The following LCLAT1 variants were observed in gnomAD, a reference collection of about 807,000 sequenced individuals.
The protein encoded by LCLAT1 is 1-AGP acyltransferase 8.
Under a neutral mutation model 30.7 loss-of-function variants are expected in LCLAT1, and 11 were observed. The ratio of observed to expected loss-of-function variants is 0.36; its 90% CI spans 0.23 to 0.59. LCLAT1 has a LOEUF of 0.59. LCLAT1 is among the 20% of genes least tolerant of loss of function. LCLAT1 has a pLI of 0.77. For synonymous variants in LCLAT1, 155 were observed against 151.3 expected (o/e 1.02, Z -0.18); for missense variants, 402 against 458.6 (o/e 0.88, Z 1.13).
At chr2:30,576,380 G>A (rs1186533346) in intron 5 of LCLAT1, among the ~76,000 whole-genome samples, 2 of 152,098 alleles carry the variant, frequency 1.3e-5, no homozygotes, top group Non-Finnish European at 2.9e-5. Context: ...AACTTCTGAA[G>A]GTGTGAGTAG....
rs139202707 is a variant in LCLAT1, at chr2:30,493,703, C to T, written c.-4-31884C>T. Among the ~76,000 whole-genome samples, 7 of 152,306 alleles carry T rather than the reference C, an allele frequency of 4.6e-5. No homozygotes were observed. The East Asian group carries it at 1.3e-3, about 29-fold the overall frequency. ...TTCTCTCCCTAACCCCTAGCAACCA[C>T]TGATCTTTTTTCTATTTCTTTATGG... On this transcript the variant is annotated intron_variant, in intron 1 of 5. Transcript: ENST00000379509.
chr2:30,584,306 C>T (rs976395346), intron 5 of LCLAT1, among the ~76,000 whole-genome samples: 1 of 152,176 alleles, frequency 6.6e-6, no homozygotes, highest in African/African-American at 2.4e-5. Flanking sequence ...GTTCTTGCTT[C>T]CTTTTTTTAC....
chr2:30,591,552 A>G (rs1256973795), intron 5 of LCLAT1, among the ~76,000 whole-genome samples: 1 of 152,108 alleles, frequency 6.6e-6, no homozygotes, highest in African/African-American at 2.4e-5. Context: ...ATTGTCTCCA[A>G]CTCTTAGAAA....
intron 1 of LCLAT1, among the ~76,000 whole-genome samples, chr2:30,512,976 T>A (rs991185940): frequency 6.6e-6 from 1 of 152,196 alleles, no homozygotes; most frequent in Admixed American, 6.5e-5. Context: ...AAATGCACAT[T>A]TCTGTCTTGA....
At chr2:30,472,050 T>C (rs1682823825) in intron 1 of LCLAT1, among the ~76,000 whole-genome samples, 2 of 152,322 alleles carry the variant, frequency 1.3e-5, no homozygotes, top group African/African-American at 4.8e-5. Flanking sequence ...CTTTTAAATC[T>C]TTAACATTCT....
At chr2:30,486,563 C>T (rs149213727) in intron 1 of LCLAT1, among the ~76,000 whole-genome samples, 1 of 152,242 alleles carries the variant, frequency 6.6e-6, no homozygotes, top group African/African-American at 2.4e-5. Flanking sequence ...ACATGGTTCC[C>T]TCCTTCCCAG....
intron 1 of LCLAT1, among the ~76,000 whole-genome samples, chr2:30,475,803 T>G (rs537263820): frequency 4.1e-4 from 62 of 152,338 alleles, no homozygotes; most frequent in African/African-American, 1.4e-3. Context: ...TGAGAAGATT[T>G]CAGTATAATG....
chr2:30,638,580 A>G (rs1211498596), intron 5 of LCLAT1, among the ~76,000 whole-genome samples: 2 of 152,150 alleles, frequency 1.3e-5, no homozygotes, highest in Non-Finnish European at 2.9e-5. Flanking sequence ...ACATTCAGAG[A>G]CTCCGCAGCA....
intron 3 of LCLAT1, among the ~76,000 whole-genome samples, chr2:30,539,946 G>C (rs1664050095): frequency 6.6e-6 from 1 of 151,930 alleles, no homozygotes; most frequent in Non-Finnish European, 1.5e-5. Flanking sequence ...TATGAAACCT[G>C]GTCTGTTTAG....
chr2:30,603,744 G>T (rs1667296983), intron 5 of LCLAT1, among the ~76,000 whole-genome samples: 1 of 152,148 alleles, frequency 6.6e-6, no homozygotes, highest in Non-Finnish European at 1.5e-5. Flanking sequence ...CAACATGCAT[G>T]TAAGATTATA....
chr2:30,564,069 G>C (rs189705446), intron 4 of LCLAT1, among the ~76,000 whole-genome samples: 1 of 152,276 alleles, frequency 6.6e-6, no homozygotes, highest in East Asian at 1.9e-4. Context: ...GCTGCTTGTT[G>C]AAGCTTGAAA....
intron 3 of LCLAT1, among the ~76,000 whole-genome samples, chr2:30,543,035 G>C (rs1409440312): frequency 1.4e-5 from 2 of 146,192 alleles, no homozygotes; most frequent in Non-Finnish European, 3.0e-5. Context: ...AGACATCCTT[G>C]CCGTGTCCCT....
chr2:30,615,448 CAA>C (rs1333654450), intron 5 of LCLAT1, among the ~76,000 whole-genome samples: 1 of 152,034 alleles, frequency 6.6e-6, no homozygotes, highest in African/African-American at 2.4e-5. Context: ...TTGAGAAAAG[CAA>C]AGTCATGAAG....
chr2:30,585,501 TCTC>T (rs1348235919), intron 5 of LCLAT1, among the ~76,000 whole-genome samples: 1 of 152,148 alleles, frequency 6.6e-6, no homozygotes, highest in African/African-American at 2.4e-5. Flanking sequence ...AGTTCCATGA[TCTC>T]CTCATTATTC....
At chr2:30,491,041 G>T (rs1254878202) in intron 1 of LCLAT1, among the ~76,000 whole-genome samples, 1 of 152,122 alleles carries the variant, frequency 6.6e-6, no homozygotes, top group Non-Finnish European at 1.5e-5. Flanking sequence ...AAAAACGTGG[G>T]TACTAGAAGA....
At chr2:30,625,650 A>G (rs1385539106) in intron 5 of LCLAT1, among the ~76,000 whole-genome samples, 3 of 152,334 alleles carry the variant, frequency 2.0e-5, no homozygotes, top group East Asian at 1.9e-4. Flanking sequence ...ATATTGGGGC[A>G]TATTTTTACA....
At chr2:30,587,903 C>T (rs1053968584) in intron 5 of LCLAT1, among the ~76,000 whole-genome samples, 16 of 152,102 alleles carry the variant, frequency 1.1e-4, no homozygotes, top group African/African-American at 3.1e-4. Flanking sequence ...CAAATGTCCC[C>T]AAGTCTTCCT....
intron 5 of LCLAT1, among the ~76,000 whole-genome samples, chr2:30,585,445 A>G (rs1666392194): frequency 1.3e-5 from 2 of 152,220 alleles, no homozygotes; most frequent in South Asian, 4.2e-4. Context: ...TCTCTAGTCT[A>G]GCCACATTCT....
intron 3 of LCLAT1, among the ~76,000 whole-genome samples, chr2:30,556,236 C>T (rs1444256525): frequency 6.6e-6 from 1 of 152,104 alleles, no homozygotes; most frequent in African/African-American, 2.4e-5. Context: ...GGCTGAGTGC[C>T]AATAAAACCT....
Sources: allele counts gnomAD v4.1 joint callset (sites outside exome capture counted in the v4.1 genomes callset), GRCh38; gene constraint gnomAD v4.1.1; transcripts MANE v1.5; gene names NCBI Gene and HGNC (gene_info 2026-07-23, HGNC 2026-07-21).